Variants in KIF15 observed in about 807,000 individuals in gnomAD.
KIF15 encodes kinesin-like protein KIF15.
In KIF15, 140 loss-of-function variants were observed where a neutral mutation model predicts 190.6. The ratio of observed to expected loss-of-function variants is 0.73; its 90% CI spans 0.64 to 0.84. KIF15 has a LOEUF of 0.84. Ranked by LOEUF, KIF15 falls within the 40% of genes least tolerant of loss-of-function variation. The pLI is 0.00. For synonymous variants in KIF15, 528 were observed against 551.3 expected, an observed-to-expected ratio of 0.96 and a Z score of 0.59; for missense variants, 1,372 against 1,584.4, an observed-to-expected ratio of 0.87 and a Z score of 2.28.
chr3:44,788,562 C>G (rs908599181), intron 7 of KIF15, among the ~76,000 whole-genome samples: 1 of 151,944 alleles, frequency 6.6e-6, no homozygotes, highest in African/African-American at 2.4e-5. Context: ...TTAACAGATC[C>G]TCCCACCTCA....
intron 6 of KIF15, chr3:44,864,123 C>T: frequency 2.5e-6 from 4 of 1,596,386 alleles, no homozygotes; most frequent in Non-Finnish European, 2.6e-6. Context: ...AACCACAGTC[C>T]TGGGTGTGCT....
intron 6 of KIF15, chr3:44,864,967 A>C (rs1231653453): frequency 1.1e-5 from 17 of 1,586,080 alleles, no homozygotes; most frequent in Non-Finnish European, 6.9e-6. Flanking sequence ...CTTAGAAGGA[A>C]GTCAGTCCCA....
intron 6 of KIF15, 98 bp downstream of exon 6, chr3:44,785,040 G>C: frequency 1.6e-6 from 1 of 638,712 alleles, no homozygotes; most frequent in Non-Finnish European, 2.7e-6. Context: ...AGCATGGATG[G>C]TACTCTACAA....
chr3:44,825,402 T>G (rs781515836), intron 20 of KIF15, among the ~76,000 whole-genome samples: 8 of 152,166 alleles, frequency 5.3e-5, no homozygotes, highest in Non-Finnish European at 1.2e-4. Context: ...TATAATAACC[T>G]TCTGTACATA....
intron 5 of KIF15, among the ~76,000 whole-genome samples, chr3:44,782,123 C>G (rs755256951): frequency 1.6e-4 from 25 of 152,102 alleles, no homozygotes; most frequent in Non-Finnish European, 2.6e-4. Context: ...AATCTTGGCT[C>G]ACTGCAACCT....
rs180766229 is a variant in KIF15, at chr3:44,813,068, C to T, written c.2278-7C>T. 1,420 of 1,543,292 alleles carry T rather than the reference C, an allele frequency of 9.2e-4. 7 individuals are homozygous for T. In the African/African-American group the frequency reaches 0.015, roughly 16 times the overall value. On this transcript the variant is annotated splice_polypyrimidine_tract_variant and splice_region_variant and intron_variant, in intron 18 of 34. Coordinates refer to ENST00000326047, the MANE Select transcript of KIF15 (RefSeq NM_020242.3). ...CTTTTCCAGTAAATTTATCTTTTTT[C>T]CCAAAGCTTTTCTCATCAGAAAGAA... is the stretch of plus-strand genomic sequence containing the variant.
chr3:44,818,838 C>T (rs1708140761), intron 20 of KIF15, among the ~76,000 whole-genome samples: 1 of 152,098 alleles, frequency 6.6e-6, no homozygotes, highest in African/African-American at 2.4e-5. Context: ...CTCTTTGTAC[C>T]TCTGATAGAA....
At chr3:44,809,078 C>T (rs952842208) in intron 16 of KIF15, among the ~76,000 whole-genome samples, 1 of 152,136 alleles carries the variant, frequency 6.6e-6, no homozygotes. Flanking sequence ...GCCCTGTTCC[C>T]GCAGCATAGA....
intron 20 of KIF15, among the ~76,000 whole-genome samples, chr3:44,825,289 C>T (rs1575652706): frequency 6.6e-6 from 1 of 152,170 alleles, no homozygotes. Context: ...TTCCCCTTCC[C>T]TACCATCTAT....
chr3:44,778,994 A>AT (rs1300190403), intron 4 of KIF15, among the ~76,000 whole-genome samples: 1 of 151,554 alleles, frequency 6.6e-6, no homozygotes, highest in African/African-American at 2.4e-5. Context: ...AAAAAAAAAA[A>AT]AAAAAAACCA....
chr3:44,840,290 T>G (rs1352682207), intron 27 of KIF15, 65 bp from the exon 28 acceptor site: 1 of 933,140 alleles, frequency 1.1e-6, no homozygotes, highest in Non-Finnish European at 1.6e-6. Flanking sequence ...AAGTTTGTCT[T>G]TTCTATTTGG....
At chr3:44,845,479 G>A (rs1421780603) in intron 30 of KIF15, among the ~76,000 whole-genome samples, 3 of 151,998 alleles carry the variant, frequency 2.0e-5, no homozygotes, top group Admixed American at 6.6e-5. Context: ...TTGAACCCAT[G>A]AAGAGAAGAA....
chr3:44,865,450 C>G (rs1209892351), intron 6 of KIF15: 1 of 454,410 alleles, frequency 2.2e-6, no homozygotes, highest in Non-Finnish European at 4.0e-6. Flanking sequence ...TGCTGGAGAT[C>G]CTGGGGTTGG....
intron 19 of KIF15, among the ~76,000 whole-genome samples, chr3:44,814,283 A>AT (rs202132859): frequency 3.3e-5 from 5 of 151,702 alleles, no homozygotes; most frequent in Admixed American, 1.3e-4. Flanking sequence ...ACATCTTTTA[A>AT]TTTTTTTTTC....
chr3:44,821,535 G>C (rs1697320996), intron 20 of KIF15, among the ~76,000 whole-genome samples: 1 of 152,094 alleles, frequency 6.6e-6, no homozygotes, highest in Admixed American at 6.5e-5. Flanking sequence ...GAGTGGCCGG[G>C]CAGAGACGCT....
chr3:44,777,743 T>A (rs2125906761), intron 3 of KIF15, among the ~76,000 whole-genome samples: 1 of 152,324 alleles, frequency 6.6e-6, no homozygotes, highest in South Asian at 2.1e-4. Context: ...GTAGTAAGAC[T>A]GCATCTCCTT....
chr3:44,866,785 C>G (rs1239808088), intron 6 of KIF15, among the ~76,000 whole-genome samples: 4 of 152,224 alleles, frequency 2.6e-5, no homozygotes, highest in Non-Finnish European at 5.9e-5. Context: ...CGCAATGACT[C>G]CTTAGTACCC....
Position 44,849,518 on chromosome 3 carries a change from CCA to C in KIF15, c.3806+961_3806+962del, listed in dbSNP as rs1698986524. ...AAGAGAAAAGAAAATAAAGCTCTTG[CCA>C]TTCTTTTAAAAGTATTTAACTAATT... On this transcript the variant is annotated intron_variant, in intron 32 of 34. Coordinates refer to ENST00000326047, the MANE Select transcript of KIF15 (RefSeq NM_020242.3). Among the ~76,000 whole-genome samples, 11 of 152,076 alleles carry C rather than the reference CCA, an allele frequency of 7.2e-5. No individual in the cohort carries two copies. The East Asian group carries it at 1.5e-3, about 21-fold the overall frequency.
At chr3:44,806,674 G>A (rs1291580535) in intron 16 of KIF15, among the ~76,000 whole-genome samples, 1 of 152,152 alleles carries the variant, frequency 6.6e-6, no homozygotes, top group Non-Finnish European at 1.5e-5. Flanking sequence ...AGTCCCGGCT[G>A]TTTGGGAGGT....
Sources: allele counts gnomAD v4.1 joint callset (sites outside exome capture counted in the v4.1 genomes callset), GRCh38; gene constraint gnomAD v4.1.1; transcripts MANE v1.5; gene names NCBI Gene and HGNC (gene_info 2026-07-23, HGNC 2026-07-21).